PALM2AKAP2: variants seen among roughly 807,000 people sequenced by gnomAD.
PALM2AKAP2 encodes the protein PALM2 and AKAP2 fusion, also known as PALM2-AKAP2 fusion protein.
A neutral mutation model predicts 71.5 loss-of-function variants in PALM2AKAP2; 37 were observed. The ratio of observed to expected loss-of-function variants is 0.52; its 90% CI spans 0.40 to 0.68. The LOEUF is 0.68. Ranked by LOEUF, PALM2AKAP2 falls within the 30% of genes least tolerant of loss-of-function variation. PALM2AKAP2 has a pLI of 0.00. For synonymous variants in PALM2AKAP2, 468 were observed against 478.8 expected (o/e 0.98, Z 0.29); for missense variants, 1,224 against 1,191.8 (o/e 1.03, Z -0.40).
chr9:109,833,715 G>A (rs533996325), intron 1 of PALM2AKAP2, among the ~76,000 whole-genome samples: 52 of 152,348 alleles, frequency 3.4e-4, no homozygotes, highest in Non-Finnish European at 2.9e-5. Flanking sequence ...CCCTCCCAAT[G>A]CTGAGTACCA....
At chr9:109,640,788 G>T in exon 1 of PALM2AKAP2, 1 of 1,490,104 alleles carries the variant, frequency 6.7e-7, no homozygotes, top group South Asian at 1.3e-5. Context: ...GGCGCGGCCA[G>T]TGCACTCGGC....
intron 2 of PALM2AKAP2, among the ~76,000 whole-genome samples, chr9:109,871,907 T>C (rs578069971): frequency 2.6e-5 from 4 of 152,330 alleles, no homozygotes; most frequent in African/African-American, 9.6e-5. Context: ...CATTAATTCA[T>C]CTAGAATTTA....
At chr9:109,779,541 A>C (rs901888456), upstream of PALM2AKAP2, among the ~76,000 whole-genome samples, 1 of 152,186 alleles carries the variant, frequency 6.6e-6, no homozygotes, top group Non-Finnish European at 1.5e-5. Context: ...TCAGATGAGG[A>C]AACTGAGGTT....
rs564218516 is a variant in PALM2AKAP2 at position 109,756,354 on chromosome 9, A to C, written c.6-24134A>C. ...TGTATGTGAATGTGTGATTGGACCC[A>C]TGTTCTACTATTAATCTTCATCTTT... On this transcript the variant is annotated intron_variant, in intron 1 of 6. Transcript: ENST00000374531. Among the ~76,000 whole-genome samples, 7 of 152,268 alleles carry C rather than the reference A, an allele frequency of 4.6e-5. No homozygotes were observed. In the East Asian group the frequency reaches 1.3e-3, roughly 29 times the overall value.
At chr9:109,948,353 T>C (rs1190020812) in intron 6 of PALM2AKAP2, among the ~76,000 whole-genome samples, 1 of 152,194 alleles carries the variant, frequency 6.6e-6, no homozygotes, top group African/African-American at 2.4e-5. Context: ...AAGCCTCTGC[T>C]TCCCCTCTCC....
intron 1 of PALM2AKAP2, among the ~76,000 whole-genome samples, chr9:109,641,424 C>G (rs1827067485): frequency 2.6e-5 from 4 of 152,172 alleles, no homozygotes; most frequent in Admixed American, 2.0e-4. Context: ...AGAAATAAGA[C>G]AAACATATTG....
chr9:110,110,600 G>A (rs1835225467), intron 1 of PALM2AKAP2, among the ~76,000 whole-genome samples: 1 of 139,572 alleles, frequency 7.2e-6, no homozygotes, highest in Non-Finnish European at 1.5e-5. Context: ...AACCTGGAGT[G>A]CAGTGGTACG....
rs1328745689 is a variant in PALM2AKAP2 at position 110,049,416 on chromosome 9, C to A, written c.156+561C>A. On this transcript the variant is annotated intron_variant, in intron 1 of 3. Coordinates refer to ENST00000374525, the Ensembl canonical transcript of PALM2AKAP2. The stretch of plus-strand genomic sequence containing the variant: ...GGTCCCGGCCCCAGCCAGAGTCTTT[C>A]GGGATAGGGTCCAGGGAGCTGAACT... 2.0e-5 allele frequency among the ~76,000 whole-genome samples: 3 copies of A among 152,152 alleles called. No individual in the cohort carries two copies. In the East Asian group the frequency reaches 5.8e-4, roughly 29 times the overall value.
At chr9:109,672,272 G>T (rs1827584690) in intron 1 of PALM2AKAP2, among the ~76,000 whole-genome samples, 1 of 152,064 alleles carries the variant, frequency 6.6e-6, no homozygotes, top group African/African-American at 2.4e-5. Flanking sequence ...TTTGAGTTGT[G>T]TTCCTTCAAT....
At chr9:109,671,023 C>G (rs569678137) in intron 1 of PALM2AKAP2, among the ~76,000 whole-genome samples, 21 of 152,230 alleles carry the variant, frequency 1.4e-4, no homozygotes. Flanking sequence ...GGATATTAGA[C>G]CTTTGTCAGA....
chr9:110,026,727 T>G (rs771560932), intron 7 of PALM2AKAP2, among the ~76,000 whole-genome samples: 10 of 152,316 alleles, frequency 6.6e-5, no homozygotes, highest in African/African-American at 9.6e-5. Flanking sequence ...CAAAGGGATT[T>G]TTAATACATT....
At chr9:109,999,792 G>A in intron 6 of PALM2AKAP2, among the ~76,000 whole-genome samples, 1 of 152,186 alleles carries the variant, frequency 6.6e-6, no homozygotes, top group Non-Finnish European at 1.5e-5. Context: ...TCAGAACTGT[G>A]AGTTCCCAGC....
At chr9:110,136,055 T>G in intron 1 of PALM2AKAP2, 72 bp from the exon 8 acceptor site, 1 of 1,485,254 alleles carries the variant, frequency 6.7e-7, no homozygotes, top group Non-Finnish European at 8.9e-7. Flanking sequence ...TAATTATGAG[T>G]CAGTTTGTCA....
At chr9:110,004,578 C>G (rs554377413) in intron 6 of PALM2AKAP2, among the ~76,000 whole-genome samples, 2 of 152,214 alleles carry the variant, frequency 1.3e-5, no homozygotes, top group East Asian at 1.9e-4. Flanking sequence ...TGTTGGCCTG[C>G]CTTGCTAGAT....
chr9:109,814,677 T>C (rs950534699), intron 1 of PALM2AKAP2, among the ~76,000 whole-genome samples: 1 of 152,224 alleles, frequency 6.6e-6, no homozygotes, highest in East Asian at 1.9e-4. Flanking sequence ...CATGTGGTGC[T>C]CTCAGAAGTA....
chr9:109,673,437 T>G (rs1177851221), intron 1 of PALM2AKAP2, among the ~76,000 whole-genome samples: 1 of 152,182 alleles, frequency 6.6e-6, no homozygotes, highest in East Asian at 1.9e-4. Flanking sequence ...TGGTTTTGAT[T>G]TCAAATTTGA....
chr9:110,141,488 T>TA (rs1836028421), intron 2 of PALM2AKAP2, among the ~76,000 whole-genome samples: 1 of 152,204 alleles, frequency 6.6e-6, no homozygotes, highest in Admixed American at 6.5e-5. Context: ...GAATGTAAAA[T>TA]ACAATTTTCT....
At chr9:109,645,563 C>A (rs115298620) in intron 1 of PALM2AKAP2, among the ~76,000 whole-genome samples, 33,619 of 147,798 alleles carry the variant, frequency 0.23, 3,998 homozygotes, top group African/African-American at 0.33. Flanking sequence ...AAAAAAAAAA[C>A]CCCAGCCATA....
intron 6 of PALM2AKAP2, among the ~76,000 whole-genome samples, chr9:109,961,458 C>T (rs1831849591): frequency 6.6e-6 from 1 of 152,160 alleles, no homozygotes; most frequent in Non-Finnish European, 1.5e-5. Flanking sequence ...ACCAGTTGCT[C>T]TTTTCTCAGG....
Sources: gnomAD v4.1 joint callset for allele counts (sites outside exome capture counted in the v4.1 genomes callset) on GRCh38, gnomAD v4.1.1 for gene constraint, MANE v1.5 for transcripts, NCBI Gene and HGNC (gene_info 2026-07-23, HGNC 2026-07-21) for gene names.